FAM228B: variants seen among roughly 807,000 people sequenced by gnomAD.
The protein encoded by FAM228B is family with sequence similarity 228 member B, also known as protein FAM228B.
FAM228B carries 38 observed loss-of-function variants against 42.6 expected under a neutral mutation model. That is an observed-to-expected ratio of 0.89 (90% confidence interval 0.69 to 1.17). The LOEUF (loss-of-function observed/expected upper bound fraction) is 1.17. Among genes scored for constraint, FAM228B ranks in the 50% most tolerant of loss-of-function variants. The pLI, the probability that FAM228B is intolerant of heterozygous loss-of-function variation, is 0.00. For synonymous variants in FAM228B, 109 were observed against 122.3 expected (o/e 0.89, Z 0.72); for missense variants, 344 against 367.3 (o/e 0.94, Z 0.52).
At chr2:24,125,653 CG>C (rs1558382128) in intron 2 of FAM228B, among the ~76,000 whole-genome samples, 1 of 152,004 alleles carries the variant, frequency 6.6e-6, no homozygotes, top group Non-Finnish European at 1.5e-5. Context: ...CTCTACCTCC[CG>C]GGTTCAAGTG....
intron 3 of FAM228B, among the ~76,000 whole-genome samples, chr2:24,099,301 G>A (rs1356469607): frequency 6.6e-6 from 1 of 152,124 alleles, no homozygotes; most frequent in Non-Finnish European, 1.5e-5. Flanking sequence ...GAAATAAAGG[G>A]TATTCAATCA....
Position 24,116,187 on chromosome 2 carries a change from G to A in FAM228B, c.-120-18932G>A, listed in dbSNP as rs527521287. Among the ~76,000 whole-genome samples, 6 of 152,180 alleles carry A rather than the reference G, an allele frequency of 3.9e-5. No individual in the cohort carries two copies. The South Asian group carries it at 1.2e-3, about 32-fold the overall frequency. On this transcript the variant is annotated intron_variant, in intron 3 of 10. Coordinates refer to the FAM228B transcript ENST00000613899. ...ACTAAAAATACAAAAAATTAGCCAG[G>A]CATGGTGGCATGCTCCTGTAGTCCC...
At chr2:24,168,739 G>A (rs1254504388) in intron 10 of FAM228B, among the ~76,000 whole-genome samples, 3 of 152,272 alleles carry the variant, frequency 2.0e-5, no homozygotes, top group Admixed American at 2.0e-4. Context: ...ATTTGATGAT[G>A]CTGGAGAGAG....
At chr2:24,112,403 C>T (rs765167707) in intron 3 of FAM228B, among the ~76,000 whole-genome samples, 20 of 150,302 alleles carry the variant, frequency 1.3e-4, no homozygotes, top group Non-Finnish European at 2.4e-4. Flanking sequence ...TGGGTTCAAG[C>T]GATTCTTGTG....
At chr2:24,163,079 A>G (rs1006363138) in intron 8 of FAM228B, among the ~76,000 whole-genome samples, 1 of 152,240 alleles carries the variant, frequency 6.6e-6, no homozygotes. Flanking sequence ...ATTACACCTT[A>G]TTAAAATTGT....
intron 7 of FAM228B, among the ~76,000 whole-genome samples, chr2:24,155,415 G>A (rs1011705471): frequency 2.0e-5 from 3 of 149,816 alleles, no homozygotes; most frequent in Admixed American, 6.6e-5. Flanking sequence ...GCGTGTTTGC[G>A]GGTGACTGGC....
rs1404174093 is a variant in FAM228B at position 24,124,450 on chromosome 2, GT to G, written c.93del (p.Phe31LeufsTer5). 1 of 1,548,290 alleles carries G rather than the reference GT, an allele frequency of 6.5e-7. No homozygotes were observed. The highest frequency in any genetic ancestry group is 2.0e-5 in the Admixed American group (1 of 50,086). On this transcript the variant is annotated frameshift_variant, in exon 2 of 11. Transcript: ENST00000615575. LOFTEE classifies it high-confidence loss of function. ...GAATGGTTGGAGCCCAAGCCCCTTTGTTTTATGGAGGTATATATCAAATAGT... is the reference window on the plus strand; with the variant it reads ...GAATGGTTGGAGCCCAAGCCCCTTTGTTTATGGAGGTATATATCAAATAGT... ...SKEWLEPKPL[C>X]FMEVLAKEDT...
chr2:24,136,718 C>G (rs1172948838), intron 3 of FAM228B, among the ~76,000 whole-genome samples: 1 of 151,904 alleles, frequency 6.6e-6, no homozygotes, highest in African/African-American at 2.4e-5. Context: ...GGAGTCTTGG[C>G]TTTGAAAAAA....
At chr2:24,137,014 T>A (rs34525017) in intron 3 of FAM228B, among the ~76,000 whole-genome samples, 4,415 of 152,292 alleles carry the variant, frequency 0.029, 83 homozygotes, top group African/African-American at 0.055. Context: ...ATATGTGGAA[T>A]CCTGTACTAT....
At chr2:24,118,517 A>G (rs1203917163), upstream of FAM228B, among the ~76,000 whole-genome samples, 1 of 152,240 alleles carries the variant, frequency 6.6e-6, no homozygotes, top group African/African-American at 2.4e-5. Context: ...AAGAAGGATT[A>G]AGACAAGACA....
intron 3 of FAM228B, among the ~76,000 whole-genome samples, chr2:24,101,111 TGGG>T (rs1320705430): frequency 6.6e-6 from 1 of 151,894 alleles, no homozygotes; most frequent in Non-Finnish European, 1.5e-5. Context: ...CAGGGCCTGT[TGGG>T]GGGTTGGGGG....
chr2:24,087,676 C>T (rs566528053), intron 2 of FAM228B, among the ~76,000 whole-genome samples: 163 of 151,964 alleles, frequency 1.1e-3, no homozygotes, highest in African/African-American at 3.8e-3. Context: ...AGTGGCCTGA[C>T]CTCAGTTCAC....
At chr2:24,128,752 TC>T (rs36074357) in intron 2 of FAM228B, among the ~76,000 whole-genome samples, 1 of 152,142 alleles carries the variant, frequency 6.6e-6, no homozygotes, top group Non-Finnish European at 1.5e-5. Context: ...TTTTCATTTT[TC>T]CCCTTGGATT....
intron 3 of FAM228B, among the ~76,000 whole-genome samples, chr2:24,104,307 C>T (rs1391459607): frequency 2.0e-5 from 3 of 152,200 alleles, no homozygotes; most frequent in Non-Finnish European, 4.4e-5. Flanking sequence ...CAGAGAGCCA[C>T]TCAGACGTAT....
intron 3 of FAM228B, among the ~76,000 whole-genome samples, chr2:24,103,866 G>A (rs979907353): frequency 2.6e-5 from 4 of 152,182 alleles, no homozygotes; most frequent in Admixed American, 1.3e-4. Flanking sequence ...TGGCATGGGG[G>A]CTGAACCCCA....
At chr2:24,099,904 C>T (rs1413662521) in intron 3 of FAM228B, among the ~76,000 whole-genome samples, 1 of 152,198 alleles carries the variant, frequency 6.6e-6, no homozygotes, top group Non-Finnish European at 1.5e-5. Flanking sequence ...CAGCACGGTA[C>T]TGGTACCAAA....
chr2:24,152,105 G>A (rs902038118), intron 7 of FAM228B, among the ~76,000 whole-genome samples: 2 of 152,140 alleles, frequency 1.3e-5, no homozygotes, highest in Admixed American at 6.5e-5. Flanking sequence ...CTGACCTCAG[G>A]TAATCTGCCT....
intron 7 of FAM228B, among the ~76,000 whole-genome samples, chr2:24,151,858 AT>A (rs1667031517): frequency 6.6e-6 from 1 of 151,020 alleles, no homozygotes; most frequent in Non-Finnish European, 1.5e-5. Context: ...TAATTTTTGT[AT>A]TTTTATTTTT....
At chr2:24,119,373 C>T (rs1192982099), upstream of FAM228B, among the ~76,000 whole-genome samples, 1 of 152,188 alleles carries the variant, frequency 6.6e-6, no homozygotes, top group East Asian at 1.9e-4. Context: ...AGACAGAATC[C>T]TAGCAGTGTT....
Sources: allele counts gnomAD v4.1 joint callset (sites outside exome capture counted in the v4.1 genomes callset), GRCh38; gene constraint gnomAD v4.1.1; transcripts MANE v1.5; gene names NCBI Gene and HGNC (gene_info 2026-07-23, HGNC 2026-07-21).